The following STAB2 variants were observed in gnomAD, a reference collection of about 807,000 sequenced individuals.
STAB2 encodes the protein stabilin-2.
A neutral mutation model predicts 338.1 loss-of-function variants in STAB2; 288 were observed. The ratio of observed to expected loss-of-function variants is 0.85; its 90% CI spans 0.77 to 0.94. The LOEUF is 0.94. STAB2 is among the 40% of genes least tolerant of loss of function. The probability of loss-of-function intolerance (pLI) is 0.00; values close to 1 mark genes in which losing one functional copy is unlikely to be tolerated. For missense variants in STAB2, 3,141 were observed against 3,210.1 expected, an observed-to-expected ratio of 0.98 and a Z score of 0.52; for synonymous variants, 1,202 against 1,193.3, an observed-to-expected ratio of 1.01 and a Z score of -0.15.
chr12:103,642,762 T>C (rs1321726976), intron 9 of STAB2, among the ~76,000 whole-genome samples: 1 of 152,140 alleles, frequency 6.6e-6, no homozygotes, highest in Non-Finnish European at 1.5e-5. Context: ...GGCCCCCCAC[T>C]AGACCACACT....
intron 57 of STAB2, among the ~76,000 whole-genome samples, chr12:103,745,873 A>G (rs1214568564): frequency 1.3e-5 from 2 of 152,190 alleles, no homozygotes; most frequent in African/African-American, 4.8e-5. Context: ...AATCATTGCC[A>G]TAGCTCGATC....
intron 18 of STAB2, among the ~76,000 whole-genome samples, chr12:103,665,441 C>T (rs374051219): frequency 3.3e-5 from 5 of 152,054 alleles, no homozygotes; most frequent in African/African-American, 9.7e-5. Flanking sequence ...GCTAAGGAAA[C>T]GAATAAGTTT....
intron 50 of STAB2, 33 bp from the exon 51 acceptor site, chr12:103,732,973 A>G (rs759755286): frequency 9.1e-5 from 146 of 1,606,302 alleles, no homozygotes; most frequent in Non-Finnish European, 1.2e-4. Flanking sequence ...GGCCTTGCTC[A>G]AGCCAGCAAG....
In STAB2 at chr12:103,742,544, T is replaced by C. The variant is rs745483566; in HGVS notation, c.6021T>C (p.Pro2007=). 5 of 1,614,154 alleles carry C rather than the reference T, an allele frequency of 3.1e-6. 1 individual carries two copies. In the Admixed American group the frequency reaches 8.3e-5, roughly 27 times the overall value. ...CEMCWPGRFG[P]DCLPCGCSDH... ...TGTGCTGGCCGGGGAGATTCGGGCC[T>C]GATTGTCTGCGTATGTGGCGCCGCT... The change falls in exon 56 of 69, where the codon CCT becomes CCC. Residue 2007 remains proline, a synonymous_variant. Coordinates refer to ENST00000388887, the MANE Select transcript of STAB2 (RefSeq NM_017564.10).
At chr12:103,603,013 G>A (rs1193005961) in intron 3 of STAB2, among the ~76,000 whole-genome samples, 1 of 152,052 alleles carries the variant, frequency 6.6e-6, no homozygotes, top group Non-Finnish European at 1.5e-5. Flanking sequence ...AAGCTTTGTA[G>A]TTGGCTTTAC....
chr12:103,591,793 C>A (rs1232313666), intron 2 of STAB2, among the ~76,000 whole-genome samples: 1 of 152,178 alleles, frequency 6.6e-6, no homozygotes, highest in East Asian at 1.9e-4. Context: ...TAACTCAAGG[C>A]TAATTCTGGC....
Position 103,755,389 on chromosome 12 carries a change from G to A in STAB2, c.6802G>A (p.Gly2268Ser), listed in dbSNP as rs1344584148. ...CTTCGCCTCCCAGAACTGTGGCTCT[G>A]GTGTGGTTGGGATAGTGGACTATGG... ...TAFASQNCGS[G>S]VVGIVDYGPR... is the part of the protein sequence containing the mutation. The change falls in exon 62 of 69, where the codon GGT becomes AGT. Residue 2268 changes from glycine to serine, a missense_variant. Gly to Ser is a moderately conservative substitution (Grantham distance 56, BLOSUM62 0). Transcript: ENST00000388887. The A allele has an allele frequency of 1.2e-6, 2 of 1,614,040 alleles. No individual in the cohort carries two copies. Among genetic ancestry groups the A allele is most frequent in the East Asian group, 2.2e-5 (1 of 44,884 alleles).
Position 103,731,568 on chromosome 12 carries a change from C to G in STAB2, c.5224-8C>G, listed in dbSNP as rs773627206. On this transcript the variant is annotated splice_polypyrimidine_tract_variant and splice_region_variant and intron_variant, in intron 49 of 68. Transcript: ENST00000388887. ...AAAGTTTCATGCCCATTCTTATTAT[C>G]TTTGCAGCAAAATCTTACGACTTTG... 1.9e-6 allele frequency: 3 copies of G among 1,613,490 alleles called. No homozygotes were observed. In the East Asian group the frequency reaches 6.7e-5, roughly 36 times the overall value.
chr12:103,638,638 C>CT (rs1957591447), intron 8 of STAB2, among the ~76,000 whole-genome samples: 1 of 152,144 alleles, frequency 6.6e-6, no homozygotes, highest in Admixed American at 6.5e-5. Flanking sequence ...GATAAAATGT[C>CT]AGGCAGCACT....
intron 19 of STAB2, among the ~76,000 whole-genome samples, chr12:103,666,774 C>G (rs1309692553): frequency 1.3e-5 from 2 of 152,178 alleles, no homozygotes; most frequent in Non-Finnish European, 2.9e-5. Flanking sequence ...TTGTTCTTCC[C>G]AAGCACTCTT....
intron 3 of STAB2, among the ~76,000 whole-genome samples, chr12:103,615,110 T>A (rs1258762680): frequency 6.6e-6 from 1 of 152,232 alleles, no homozygotes; most frequent in Non-Finnish European, 1.5e-5. Flanking sequence ...CTAAGCCTAG[T>A]GTCTGTGGGG....
chr12:103,607,778 G>T (rs2138584987), intron 3 of STAB2, among the ~76,000 whole-genome samples: 1 of 152,226 alleles, frequency 6.6e-6, no homozygotes, highest in Middle Eastern at 3.4e-3. Flanking sequence ...TCTTAATCCA[G>T]TCTATCATTG....
At chr12:103,614,959 T>C (rs1957186300) in intron 3 of STAB2, among the ~76,000 whole-genome samples, 2 of 152,236 alleles carry the variant, frequency 1.3e-5, no homozygotes, top group South Asian at 4.1e-4. Context: ...CATAAAATTG[T>C]AGCAGGTTCT....
intron 65 of STAB2, among the ~76,000 whole-genome samples, chr12:103,760,421 C>G (rs564080083): frequency 6.6e-6 from 1 of 152,284 alleles, no homozygotes; most frequent in African/African-American, 2.4e-5. Flanking sequence ...CCACCACACT[C>G]AGCTGATTTT....
At position 103,745,159 on chromosome 12, in the gene STAB2, T is replaced by C; in HGVS notation, c.6032-14T>C. 1 of 1,609,054 alleles carries C rather than the reference T, an allele frequency of 6.2e-7. No individual in the cohort carries two copies. Among genetic ancestry groups the C allele is most frequent in the Non-Finnish European group, 8.5e-7 (1 of 1,177,568 alleles). Reference sequence around the variant, plus strand: ...CAACCCCTGATGACTGACCATATCCTAATTTGTTTACAGCCTGTGGCTGCT... The same window carrying C: ...CAACCCCTGATGACTGACCATATCCCAATTTGTTTACAGCCTGTGGCTGCT... On this transcript the variant is annotated splice_polypyrimidine_tract_variant and intron_variant, in intron 56 of 68. Coordinates refer to ENST00000388887, the MANE Select transcript of STAB2 (RefSeq NM_017564.10).
chr12:103,735,358 A>G (rs1016028941), intron 51 of STAB2, 133 bp from the exon 52 acceptor site: 8 of 557,484 alleles, frequency 1.4e-5, no homozygotes, highest in Non-Finnish European at 2.2e-5. Flanking sequence ...ACCTACGGTC[A>G]TTTGTAAAGC....
intron 40 of STAB2, among the ~76,000 whole-genome samples, chr12:103,711,787 ACTGAGGAAACCCAGTGGGCCT>A (rs1398041112): frequency 6.6e-6 from 1 of 152,180 alleles, no homozygotes; most frequent in Non-Finnish European, 1.5e-5. Context: ...ACTCATGGAG[ACTGAGGAAACCCAGTGGGCCT>A]CAGTTTCCAT....
At chr12:103,614,993 G>A (rs1398142874) in intron 3 of STAB2, among the ~76,000 whole-genome samples, 1 of 152,210 alleles carries the variant, frequency 6.6e-6, no homozygotes, top group Non-Finnish European at 1.5e-5. Context: ...GATGAAATTG[G>A]ACTGAAATTC....
intron 10 of STAB2, among the ~76,000 whole-genome samples, chr12:103,649,156 C>T (rs1464099283): frequency 2.0e-5 from 3 of 152,172 alleles, no homozygotes; most frequent in Non-Finnish European, 4.4e-5. Context: ...CGTCCTTGAC[C>T]TTCTAGATCC....
Sources: allele counts gnomAD v4.1 joint callset (sites outside exome capture counted in the v4.1 genomes callset), GRCh38; gene constraint gnomAD v4.1.1; transcripts MANE v1.5; gene names NCBI Gene and HGNC (gene_info 2026-07-23, HGNC 2026-07-21).